Variants in PDE10A observed in about 807,000 individuals in gnomAD.
PDE10A encodes the protein phosphodiesterase 10A.
A neutral mutation model predicts 97.7 loss-of-function variants in PDE10A; 39 were observed. The ratio of observed to expected loss-of-function variants is 0.40; its 90% CI spans 0.31 to 0.52. The LOEUF is 0.52. PDE10A is among the 20% of genes least tolerant of loss of function. The pLI, the probability that PDE10A is intolerant of heterozygous loss-of-function variation, is 0.56. For synonymous variants in PDE10A, 371 were observed against 376.8 expected (o/e 0.98, Z 0.18); for missense variants, 731 against 1,047.8 (o/e 0.70, Z 4.17).
At chr6:165,411,549 G>A (rs1020626749) in intron 13 of PDE10A, among the ~76,000 whole-genome samples, 3 of 152,126 alleles carry the variant, frequency 2.0e-5, no homozygotes, top group Admixed American at 2.0e-4. Context: ...AAAACTGTGA[G>A]AAAAAAATTT....
intron 1 of PDE10A, among the ~76,000 whole-genome samples, chr6:165,783,444 A>G (rs577526740): frequency 5.3e-5 from 8 of 152,372 alleles, no homozygotes; most frequent in Non-Finnish European, 1.2e-4. Flanking sequence ...AGGAATGAAT[A>G]AAATTAAGAA....
chr6:165,764,610 C>T (rs1374759952), intron 1 of PDE10A, among the ~76,000 whole-genome samples: 2 of 152,016 alleles, frequency 1.3e-5, no homozygotes, highest in Admixed American at 6.6e-5. Context: ...TGCAGACCTT[C>T]GCAGTGAGTG....
intron 13 of PDE10A, among the ~76,000 whole-genome samples, chr6:165,404,935 G>T (rs555349963): frequency 1.2e-4 from 18 of 151,940 alleles, no homozygotes; most frequent in Non-Finnish European, 2.2e-4. Flanking sequence ...CCTAATCGTG[G>T]GTGGAAGTAT....
intron 1 of PDE10A, among the ~76,000 whole-genome samples, chr6:165,766,312 C>A (rs11758565): frequency 2.0e-5 from 3 of 152,200 alleles, no homozygotes; most frequent in Admixed American, 6.5e-5. Context: ...AGGAAGCTTT[C>A]GATCACAAAA....
chr6:165,564,425 G>A (rs1196161749), intron 1 of PDE10A, among the ~76,000 whole-genome samples: 2 of 149,342 alleles, frequency 1.3e-5, no homozygotes, highest in Non-Finnish European at 2.9e-5. Context: ...ACGAAATGTT[G>A]TTGAAAACAT....
intron 1 of PDE10A, among the ~76,000 whole-genome samples, chr6:165,943,183 GAA>G (rs1562809475): frequency 2.1e-5 from 1 of 46,862 alleles, no homozygotes; most frequent in African/African-American, 1.4e-4. Flanking sequence ...AAAAAAGAAA[GAA>G]AGAAAGAAAG....
intron 1 of PDE10A, among the ~76,000 whole-genome samples, chr6:165,984,703 AT>A (rs5881672): frequency 0.82 from 123,904 of 151,516 alleles, 50,907 homozygotes; most frequent in South Asian, 0.95. Flanking sequence ...ACCAAATGCC[AT>A]TTTTTTTTTC....
chr6:165,356,630 T>C (rs1223605208), intron 18 of PDE10A, among the ~76,000 whole-genome samples: 2 of 152,184 alleles, frequency 1.3e-5, no homozygotes, highest in Non-Finnish European at 2.9e-5. Flanking sequence ...CTCCCATGTT[T>C]TGTTTTAGAA....
chr6:165,424,478 A>T (rs1788968058), intron 10 of PDE10A, among the ~76,000 whole-genome samples: 1 of 145,004 alleles, frequency 6.9e-6, no homozygotes, highest in African/African-American at 2.5e-5. Context: ...TGAAAAGAGA[A>T]TCAGAGATCT....
chr6:165,602,788 T>C (rs1787026659), intron 1 of PDE10A, among the ~76,000 whole-genome samples: 1 of 152,042 alleles, frequency 6.6e-6, no homozygotes, highest in Non-Finnish European at 1.5e-5. Context: ...CCTACCTACT[T>C]GATGATAGTT....
rs1779524731 is a variant in PDE10A at position 165,819,998 on chromosome 6, A to G, written c.-615+167531T>C. 6.6e-6 allele frequency among the ~76,000 whole-genome samples: 1 copy of G among 152,242 alleles called. No individual in the cohort carries two copies. Among genetic ancestry groups the G allele is most frequent in the African/African-American group, 2.4e-5 (1 of 41,462 alleles). On this transcript the variant is annotated intron_variant, in intron 1 of 19. Transcript: ENST00000366882. This position sits in a 1 kb window ranked among gnomAD's most constrained non-coding sequence, Gnocchi z 4.2. Reference sequence around the variant, plus strand: ...TCAAGTTAGTAATATAAAATTTAGGAGAAAATTTTAAAAATGAAATATATT... The same window carrying G: ...TCAAGTTAGTAATATAAAATTTAGGGGAAAATTTTAAAAATGAAATATATT...
At chr6:165,693,983 TTCA>T (rs1397970698) in intron 1 of PDE10A, among the ~76,000 whole-genome samples, 4 of 152,240 alleles carry the variant, frequency 2.6e-5, no homozygotes, top group Admixed American at 6.5e-5. Flanking sequence ...TATTCTGGAT[TTCA>T]TCATGTCTAC....
At chr6:165,601,621 C>T (rs1435446303) in intron 1 of PDE10A, among the ~76,000 whole-genome samples, 2 of 152,140 alleles carry the variant, frequency 1.3e-5, no homozygotes, top group East Asian at 1.9e-4. Flanking sequence ...GATGCCACAG[C>T]CCCCTGAAGT....
intron 1 of PDE10A, among the ~76,000 whole-genome samples, chr6:165,722,115 A>T (rs1366199158): frequency 6.6e-6 from 1 of 152,252 alleles, no homozygotes; most frequent in Admixed American, 6.5e-5. Context: ...TTACGTGATG[A>T]TGTCAGATAC....
At chr6:165,974,478 A>G (rs1280215251) in intron 1 of PDE10A, among the ~76,000 whole-genome samples, 2 of 152,216 alleles carry the variant, frequency 1.3e-5, no homozygotes. Context: ...AGAAGGTAGA[A>G]ATTCACAAGG....
chr6:165,469,977 TGG>T (rs1778891913), intron 3 of PDE10A, among the ~76,000 whole-genome samples: 1 of 152,188 alleles, frequency 6.6e-6, no homozygotes, highest in Non-Finnish European at 1.5e-5. Context: ...GTTCCACCCT[TGG>T]GTCCCATCAC....
chr6:165,653,437 G>A (rs1415956966), intron 1 of PDE10A, among the ~76,000 whole-genome samples: 1 of 152,206 alleles, frequency 6.6e-6, no homozygotes, highest in Non-Finnish European at 1.5e-5. Context: ...TGGCAACCAA[G>A]AGGAAAGACT....
chr6:165,751,943 T>C (rs1434535569), intron 1 of PDE10A, among the ~76,000 whole-genome samples: 1 of 151,200 alleles, frequency 6.6e-6, no homozygotes, highest in Non-Finnish European at 1.5e-5. Flanking sequence ...ATGGAGACCA[T>C]CCTGGTTGAC....
intron 1 of PDE10A, among the ~76,000 whole-genome samples, chr6:165,744,751 A>G (rs1420070414): frequency 6.6e-6 from 1 of 152,150 alleles, no homozygotes; most frequent in East Asian, 1.9e-4. Flanking sequence ...GATGTAGAGT[A>G]GACATACCAT....
Sources: gnomAD v4.1 joint callset for allele counts (sites outside exome capture counted in the v4.1 genomes callset) on GRCh38, gnomAD v4.1.1 for gene constraint, Gnocchi (gnomAD v3.1) non-coding constraint, MANE v1.5 for transcripts, NCBI Gene and HGNC (gene_info 2026-07-23, HGNC 2026-07-21) for gene names.